Variants in PHC3 observed in about 807,000 individuals in gnomAD.
PHC3 encodes the protein polyhomeotic homolog 3, also known as polyhomeotic-like protein 3.
In PHC3, 13 loss-of-function variants were observed where a neutral mutation model predicts 107.4. The ratio of observed to expected loss-of-function variants is 0.12; its 90% confidence interval spans 0.08 to 0.19. PHC3 has a LOEUF of 0.19. Ranked by LOEUF, PHC3 falls within the 10% of genes least tolerant of loss-of-function variation. The probability of loss-of-function intolerance (pLI) is 1.00; values close to 1 mark genes in which losing one functional copy is unlikely to be tolerated. For synonymous variants in PHC3, 456 were observed against 427.4 expected (o/e 1.07, Z -0.83); for missense variants, 992 against 1,210.9 (o/e 0.82, Z 2.68).
intron 6 of PHC3, among the ~76,000 whole-genome samples, chr3:170,138,673 G>C (rs1723537059): frequency 8.3e-6 from 1 of 120,810 alleles, no homozygotes; most frequent in Non-Finnish European, 1.6e-5. Flanking sequence ...CTGGGCAACA[G>C]AGCAAGACTC....
intron 2 of PHC3, among the ~76,000 whole-genome samples, chr3:170,178,494 A>G (rs530094306): frequency 3.9e-5 from 6 of 152,322 alleles, no homozygotes; most frequent in African/African-American, 1.4e-4. Flanking sequence ...CTAGTCTTCC[A>G]CCACGGAATG....
chr3:170,112,463 T>G (rs932317942), intron 11 of PHC3, among the ~76,000 whole-genome samples: 16 of 150,786 alleles, frequency 1.1e-4, no homozygotes, highest in African/African-American at 3.9e-4. Context: ...GACCTTGTGA[T>G]CCACCCACCT....
rs1714418437 is a variant in PHC3 at position 170,094,375 on chromosome 3, AAG to A, written c.*2853_*2854del. On this transcript the variant is annotated 3_prime_UTR_variant, in exon 15 of 15. Coordinates refer to ENST00000495893, the MANE Select transcript of PHC3 (RefSeq NM_024947.4). ...TTATGCTTTTTATCCCAATGGGACA[AAG>A]AGTGCAACACTGCAAGGAAGTCAGA... 1 of 152,254 alleles carries A rather than the reference AAG, an allele frequency of 6.6e-6. No individual in the cohort carries two copies. Among genetic ancestry groups the A allele is most frequent in the South Asian group, 2.1e-4 (1 of 4,838 alleles). The allele number at this position is 152,254 out of a possible 1,614,324, so 9.4% of individuals were successfully genotyped here. A position where few individuals can be genotyped will look rare whatever the true frequency, so the allele number is the denominator to read the frequency against.
chr3:170,094,355 C>T lies in PHC3; in HGVS notation c.*2875G>A, dbSNP rs865793956. The T allele has an allele frequency of 1.4e-4, 21 of 152,304 alleles. No individual in the cohort carries two copies. Among genetic ancestry groups the T allele is most frequent in the Middle Eastern group, 3.4e-3 (1 of 294 alleles). 9.4% of individuals were successfully genotyped at this position (152,304 alleles called of 1,614,324 possible). A position where few individuals can be genotyped will look rare whatever the true frequency, so the allele number is the denominator to read the frequency against. Reference sequence around the variant, plus strand: ...CTTAAAGCAAAATTTCAAACTTATGCTTTTTATCCCAATGGGACAAAGAGT... The same window carrying T: ...CTTAAAGCAAAATTTCAAACTTATGTTTTTTATCCCAATGGGACAAAGAGT... On this transcript the variant is annotated 3_prime_UTR_variant, in exon 15 of 15. Transcript: ENST00000495893.
intron 5 of PHC3, among the ~76,000 whole-genome samples, chr3:170,146,523 CCTTTT>C (rs1724979966): frequency 2.7e-5 from 4 of 147,326 alleles, no homozygotes; most frequent in African/African-American, 1.0e-4. Flanking sequence ...CCTTTTTTTT[CCTTTT>C]CTTTTTCTTT....
rs199840381 is a variant in PHC3, at chr3:170,172,683, G to C, written c.210C>G (p.Pro70=). The C allele has an allele frequency of 1.9e-6, 3 of 1,609,728 alleles. No individual in the cohort carries two copies. The Middle Eastern group carries it at 5.1e-4, about 272-fold the overall frequency. Residue 70 remains proline, a synonymous_variant, in exon 3 of 15, where the codon CCC becomes CCG. Coordinates refer to ENST00000495893, the MANE Select transcript of PHC3 (RefSeq NM_024947.4). ...QVIQQALHRP[P]SSAAQYLQQM... is the part of the protein sequence containing the mutation. ...GCTGAAGGTACTGAGCAGCTGAGCT[G>C]GGGGGCCGATGCAATGCCTGTTGAA...
intron 6 of PHC3, 119 bp downstream of exon 6, chr3:170,145,304 T>C: frequency 3.0e-6 from 2 of 667,386 alleles, no homozygotes; most frequent in Non-Finnish European, 2.4e-6. Context: ...TAAATTTCAA[T>C]CTGAAATGCA....
intron 9 of PHC3, among the ~76,000 whole-genome samples, chr3:170,118,621 C>T (rs1719525188): frequency 6.6e-6 from 1 of 152,094 alleles, no homozygotes; most frequent in Admixed American, 6.5e-5. Context: ...CTGTGTTAGC[C>T]AGGATGGTCT....
chr3:170,127,179 AT>A (rs1375903248), intron 8 of PHC3, among the ~76,000 whole-genome samples: 1 of 152,038 alleles, frequency 6.6e-6, no homozygotes, highest in Non-Finnish European at 1.5e-5. Flanking sequence ...CTTTTTAAAA[AT>A]TTTTCTTTCC....
At chr3:170,155,708 G>A (rs536634379) in intron 4 of PHC3, among the ~76,000 whole-genome samples, 19 of 151,972 alleles carry the variant, frequency 1.3e-4, no homozygotes, top group East Asian at 1.9e-4. Flanking sequence ...GTGACAGAGC[G>A]AGACCCTGTC....
intron 9 of PHC3, among the ~76,000 whole-genome samples, chr3:170,117,734 A>G (rs1451718541): frequency 6.6e-6 from 1 of 151,864 alleles, no homozygotes; most frequent in Admixed American, 6.6e-5. Flanking sequence ...ACAATGGCGC[A>G]TGCCTGTAAT....
Position 170,095,297 on chromosome 3 carries a change from G to A in PHC3, c.*1933C>T, listed in dbSNP as rs528303468. The A allele has an allele frequency of 3.3e-5, 5 of 152,184 alleles. No individual in the cohort carries two copies. The highest frequency in any genetic ancestry group is 1.9e-4 in the East Asian group (1 of 5,186). 9.4% of individuals were successfully genotyped at this position (152,184 alleles called of 1,614,324 possible). Reference sequence around the variant, plus strand: ...TACGTAACATAGACTACAAGCTATCGTAGGTCTGGAACATGAGCCTTATAT... The same window carrying A: ...TACGTAACATAGACTACAAGCTATCATAGGTCTGGAACATGAGCCTTATAT... On this transcript the variant is annotated 3_prime_UTR_variant, in exon 15 of 15. Coordinates refer to ENST00000495893, the MANE Select transcript of PHC3 (RefSeq NM_024947.4).
intron 8 of PHC3, among the ~76,000 whole-genome samples, chr3:170,127,241 A>G (rs1304010965): frequency 6.6e-6 from 1 of 152,204 alleles, no homozygotes; most frequent in Non-Finnish European, 1.5e-5. Context: ...ATCTCGGCCC[A>G]CTGCACCCTC....
intron 4 of PHC3, among the ~76,000 whole-genome samples, chr3:170,153,901 C>G (rs1044948213): frequency 6.6e-6 from 1 of 152,146 alleles, no homozygotes; most frequent in African/African-American, 2.4e-5. Context: ...TCTCAGTCCT[C>G]TATGGCACTG....
At chr3:170,178,992 TA>T in intron 1 of PHC3, 54 bp from the exon 2 acceptor site, 2 of 1,462,614 alleles carry the variant, frequency 1.4e-6, no homozygotes, top group Non-Finnish European at 1.9e-6. Flanking sequence ...TTATGAGCTT[TA>T]AAGAATATTC....
chr3:170,162,566 C>T (rs376228366), intron 4 of PHC3, among the ~76,000 whole-genome samples: 16 of 152,152 alleles, frequency 1.1e-4, no homozygotes, highest in African/African-American at 3.4e-4. Context: ...TAGCTAACTA[C>T]TTTTCTCCAC....
At chr3:170,100,951 G>A (rs545219999) in intron 14 of PHC3, among the ~76,000 whole-genome samples, 17 of 152,222 alleles carry the variant, frequency 1.1e-4, no homozygotes, top group Non-Finnish European at 2.4e-4. Flanking sequence ...CTGGAAGAGT[G>A]ACACTACTTC....
In PHC3 at chr3:170,092,457, T is replaced by C. The variant is rs1479081977; in HGVS notation, c.*4773A>G. 6.6e-6 allele frequency: 1 copy of C among 152,202 alleles called. No homozygotes were observed. Among genetic ancestry groups the C allele is most frequent in the South Asian group, 2.1e-4 (1 of 4,832 alleles). The allele number at this position is 152,202 out of a possible 1,614,324, so 9.4% of individuals were successfully genotyped here. On this transcript the variant is annotated 3_prime_UTR_variant, in exon 15 of 15. Coordinates refer to ENST00000495893, the MANE Select transcript of PHC3 (RefSeq NM_024947.4). The stretch of plus-strand genomic sequence containing the variant: ...CAAGTAGATTTGTAAAATACCAATA[T>C]TGATGAATGTGGGTAAACAGTTCAT...
At chr3:170,105,430 A>T (rs577436550) in intron 12 of PHC3, among the ~76,000 whole-genome samples, 15 of 152,344 alleles carry the variant, frequency 9.8e-5, no homozygotes, top group African/African-American at 3.6e-4. Context: ...TATTTTGGAA[A>T]TAACCTATAC....
Sources: allele counts gnomAD v4.1 joint callset (sites outside exome capture counted in the v4.1 genomes callset), GRCh38; gene constraint gnomAD v4.1.1; transcripts MANE v1.5; gene names NCBI Gene and HGNC (gene_info 2026-07-23, HGNC 2026-07-21).